Variants in POP1 observed in about 807,000 individuals in gnomAD.
POP1 encodes the protein ribonucleases P/MRP protein subunit POP1.
POP1 carries 75 observed loss-of-function variants against 102.2 expected under a neutral mutation model. The ratio of observed to expected loss-of-function variants is 0.73; its 90% confidence interval spans 0.61 to 0.89. The LOEUF (loss-of-function observed/expected upper bound fraction) is 0.89, where lower values mean the gene tolerates loss of function less well. Ranked by LOEUF, POP1 falls within the 40% of genes least tolerant of loss-of-function variation. The pLI, the probability that POP1 is intolerant of heterozygous loss-of-function variation, is 0.00. For synonymous variants in POP1, 436 were observed against 464.1 expected, an observed-to-expected ratio of 0.94 and a Z score of 0.78; for missense variants, 1,116 against 1,267.4, an observed-to-expected ratio of 0.88 and a Z score of 1.81.
chr8:98,134,386 G>A, intron 6 of POP1, 86 bp from the exon 7 acceptor site: 2 of 1,366,888 alleles, frequency 1.5e-6, no homozygotes, highest in Non-Finnish European at 2.1e-6. Context: ...CATGGAGGCA[G>A]ACAGTAAATG....
chr8:98,153,531 C>CCCTTTTTTTTTTTTTTTTTTTTTTTTTTT lies in POP1; in HGVS notation c.2058-2519_2058-2518insCCTTTTTTTTTTTTTTTTTTTTTTTTTTT, dbSNP rs1430760385. 3.7e-5 allele frequency among the ~76,000 whole-genome samples: 3 copies of CCCTTTTTTTTTTTTTTTTTTTTTTTTTTT among 81,236 alleles called. 1 individual carries two copies. The highest frequency in any genetic ancestry group is 1.4e-4 in the Admixed American group (1 of 7,320). 53.3% of individuals were successfully genotyped at this position (81,236 alleles called of 152,430 possible). ...CAACTAGATTTACAAACAGTTCTGACTCTTTTTTTTTTTTTTTTTTTTTTT... is the reference window on the plus strand; with the variant it reads ...CAACTAGATTTACAAACAGTTCTGACCCTTTTTTTTTTTTTTTTTTTTTTTTTTTTCTTTTTTTTTTTTTTTTTTTTTTT... On this transcript the variant is annotated intron_variant, in intron 14 of 15. Transcript: ENST00000401707.
chr8:98,123,503 G>A (rs1816097184), intron 2 of POP1, 24 bp downstream of exon 2: 3 of 1,609,268 alleles, frequency 1.9e-6, no homozygotes, highest in Non-Finnish European at 2.5e-6. Context: ...AAGAGACCAG[G>A]CATGGTGGCT....
At chr8:98,120,384 G>A (rs2130569185) in intron 1 of POP1, among the ~76,000 whole-genome samples, 1 of 152,332 alleles carries the variant, frequency 6.6e-6, no homozygotes, top group South Asian at 2.1e-4. Flanking sequence ...ACCATAAACT[G>A]AGCATTTAGT....
At chr8:98,123,198 C>A in intron 1 of POP1, 138 bp from the exon 2 acceptor site, 1 of 962,926 alleles carries the variant, frequency 1.0e-6, no homozygotes, top group Non-Finnish European at 1.5e-6. Context: ...TTTGACAGTG[C>A]AAACTGCAAT....
intron 2 of POP1, among the ~76,000 whole-genome samples, chr8:98,125,567 G>T (rs113226357): frequency 0.044 from 6,717 of 151,796 alleles, 531 homozygotes; most frequent in African/African-American, 0.15. Context: ...TGGAGATGGA[G>T]TCTTGCTCTG....
chr8:98,139,698 A>C (rs1366786281), intron 9 of POP1, among the ~76,000 whole-genome samples: 1 of 152,002 alleles, frequency 6.6e-6, no homozygotes, highest in Non-Finnish European at 1.5e-5. Context: ...AGGCCACTGC[A>C]CTCCAGCCTC....
In POP1 at chr8:98,138,441, CTT is replaced by C. The variant is rs907200885; in HGVS notation, c.1362+1489_1362+1490del. Among the ~76,000 whole-genome samples, 74 of 152,176 alleles carry C rather than the reference CTT, an allele frequency of 4.9e-4. 1 individual carries two copies. The highest frequency in any genetic ancestry group is 1.8e-3 in the African/African-American group (74 of 41,450). On this transcript the variant is annotated intron_variant, in intron 9 of 15. Transcript: ENST00000401707. ...TACTGAGCATTCTGCCTCCACCACT[CTT>C]TACTTTGCTGAACCTTCCTCATTCT...
At chr8:98,133,154 C>CCAGCCTGACCAACATGGCGAGA (rs1816431483) in intron 5 of POP1, among the ~76,000 whole-genome samples, 1 of 151,882 alleles carries the variant, frequency 6.6e-6, no homozygotes, top group Non-Finnish European at 1.5e-5. Context: ...GAAGTTGAGA[C>CCAGCCTGACCAACATGGCGAGA]TTCTGTGAGC....
intron 1 of POP1, among the ~76,000 whole-genome samples, chr8:98,119,278 GT>G (rs1287788362): frequency 2.6e-5 from 4 of 152,132 alleles, no homozygotes; most frequent in Admixed American, 6.6e-5. Flanking sequence ...AATATTTCTT[GT>G]GAAACAAGGT....
At chr8:98,144,402 A>G (rs893884979) in intron 11 of POP1, among the ~76,000 whole-genome samples, 5 of 151,906 alleles carry the variant, frequency 3.3e-5, no homozygotes, top group East Asian at 1.9e-4. Flanking sequence ...CAGCCCCCCA[A>G]ATAGCTGGGA....
At chr8:98,128,196 A>G (rs1816268949) in intron 3 of POP1, among the ~76,000 whole-genome samples, 169 bp from the exon 4 acceptor site, 1 of 151,918 alleles carries the variant, frequency 6.6e-6, no homozygotes, top group South Asian at 2.1e-4. Flanking sequence ...CACTACCACA[A>G]TTAAACCCTA....
rs1186759807 is a variant in POP1 at position 98,159,819 on chromosome 8, A to T, written c.*1548A>T. The T allele has an allele frequency of 2.0e-5, 3 of 152,076 alleles. No individual in the cohort carries two copies. The highest frequency in any genetic ancestry group is 7.3e-5 in the African/African-American group (3 of 41,368). 9.4% of individuals were successfully genotyped at this position (152,076 alleles called of 1,614,324 possible). On this transcript the variant is annotated 3_prime_UTR_variant, in exon 16 of 16. Transcript: ENST00000401707. ...TAAGTGGCATCTGTAAACAGAATAA[A>T]TGAAAATGTCACCTGATGTTCAGTT...
intron 11 of POP1, among the ~76,000 whole-genome samples, chr8:98,146,258 G>A (rs1192717807): frequency 6.6e-6 from 1 of 152,112 alleles, no homozygotes; most frequent in Non-Finnish European, 1.5e-5. Flanking sequence ...TGCCTTTGCC[G>A]TGGCTCCTAG....
intron 5 of POP1, among the ~76,000 whole-genome samples, chr8:98,131,738 C>G (rs1816387773): frequency 6.6e-6 from 1 of 152,210 alleles, no homozygotes; most frequent in South Asian, 2.1e-4. Flanking sequence ...CAGCAATACA[C>G]AAGGGTTCCA....
At chr8:98,143,463 T>C (rs887688921) in intron 11 of POP1, among the ~76,000 whole-genome samples, 3 of 152,174 alleles carry the variant, frequency 2.0e-5, no homozygotes, top group Non-Finnish European at 4.4e-5. Context: ...ACAGTCTATG[T>C]CCTTAGTAGA....
chr8:98,157,544 T>C lies in POP1; in HGVS notation c.2421-73T>C. ...AAAAGAATCAAATTAATTCTAGCAG[T>C]GTCTAATCTTCTGATTGCATATTTT... is the stretch of plus-strand genomic sequence containing the variant. On this transcript the variant is annotated intron_variant, in intron 15 of 15. Transcript: ENST00000401707. 2.7e-6 allele frequency: 4 copies of C among 1,504,898 alleles called. No individual in the cohort carries two copies. The South Asian group carries it at 4.5e-5, about 17-fold the overall frequency. 93.2% of individuals were successfully genotyped at this position (1,504,898 alleles called of 1,614,324 possible).
intron 10 of POP1, 54 bp downstream of exon 10, chr8:98,140,243 C>CT: frequency 1.4e-6 from 2 of 1,474,670 alleles, no homozygotes; most frequent in Non-Finnish European, 1.9e-6. Context: ...CCAAAAGAGC[C>CT]TTTTGCAGTT....
rs1377087409 is a variant in POP1, at chr8:98,128,383, C to T, written c.329C>T (p.Ala110Val). 3.7e-6 allele frequency: 6 copies of T among 1,613,974 alleles called. No homozygotes were observed. Among genetic ancestry groups the T allele is most frequent in the Non-Finnish European group, 3.4e-6 (4 of 1,180,024 alleles). Residue 110 changes from alanine (A) to valine (V), a missense_variant, in exon 4 of 16, where the codon GCA (alanine) becomes GTA (valine). Physicochemically the swap from Ala to Val is moderately conservative, Grantham distance 64. Coordinates refer to ENST00000401707, the MANE Select transcript of POP1 (RefSeq NM_001145860.2). ...KYITASTFAQ[A>V]RAAEISAMLK... ...TCAACAGCTTCTACTTTTGCTCAAG[C>T]ACGAGCTGCTGAAATCAGTGCTATG... is the stretch of plus-strand genomic sequence containing the variant.
chr8:98,142,698 G>T (rs1041369444), intron 11 of POP1, among the ~76,000 whole-genome samples: 2 of 152,078 alleles, frequency 1.3e-5, no homozygotes, highest in African/African-American at 2.4e-5. Context: ...GTGCTCGTGG[G>T]CTTATGATCT....
Sources: gnomAD v4.1 joint callset for allele counts (sites outside exome capture counted in the v4.1 genomes callset) on GRCh38, gnomAD v4.1.1 for gene constraint, MANE v1.5 for transcripts, NCBI Gene and HGNC (gene_info 2026-07-23, HGNC 2026-07-21) for gene names.